CFAP57: variants seen among roughly 807,000 people sequenced by gnomAD.
CFAP57 encodes the protein cilia and flagella associated protein 57.
A neutral mutation model predicts 146.8 loss-of-function variants in CFAP57; 116 were observed. That is an observed-to-expected ratio of 0.79 (90% CI 0.68 to 0.92). CFAP57 has a LOEUF of 0.92. Ranked by LOEUF, CFAP57 falls within the 40% of genes least tolerant of loss-of-function variation. CFAP57 has a pLI of 0.00. For missense variants in CFAP57, 1,377 were observed against 1,527.2 expected, an observed-to-expected ratio of 0.90 and a Z score of 1.64; for synonymous variants, 518 against 552.8, an observed-to-expected ratio of 0.94 and a Z score of 0.88.
intron 9 of CFAP57, among the ~76,000 whole-genome samples, chr1:43,200,413 G>A (rs1374586292): frequency 6.6e-6 from 1 of 151,436 alleles, no homozygotes; most frequent in Non-Finnish European, 1.5e-5. Context: ...CTTGGGCCCA[G>A]GAGGTCAAGG....
intron 11 of CFAP57, chr1:43,210,370 A>G (rs539809892): frequency 7.7e-7 from 1 of 1,295,648 alleles, no homozygotes; most frequent in South Asian, 1.9e-5. Context: ...CCTTCCATTC[A>G]CCCTTCTCAT....
intron 12 of CFAP57, among the ~76,000 whole-genome samples, chr1:43,218,534 G>A (rs1294271075): frequency 6.6e-6 from 1 of 152,076 alleles, no homozygotes; most frequent in African/African-American, 2.4e-5. Flanking sequence ...CTTGAGCCCA[G>A]GAGGTCAAGG....
chr1:43,183,989 A>G, intron 4 of CFAP57, 112 bp downstream of exon 4: 4 of 1,344,138 alleles, frequency 3.0e-6, no homozygotes, highest in Non-Finnish European at 4.2e-6. Flanking sequence ...AAAGTCAACT[A>G]TGCCCATTTT....
At chr1:43,194,120 C>T (rs1184771881) in intron 6 of CFAP57, among the ~76,000 whole-genome samples, 1 of 152,002 alleles carries the variant, frequency 6.6e-6, no homozygotes, top group Non-Finnish European at 1.5e-5. Context: ...TAAAGGATTT[C>T]CTTTAGTATT....
At position 43,179,062 on chromosome 1, in the gene CFAP57, A is replaced by G. The variant is rs1275722644; in HGVS notation, c.158-2472A>G. ...AAAAAACCAAACACCGCATGTTCTC[A>G]CTCATAGGTGAGAATTGAACAATGA... On this transcript the variant is annotated intron_variant, in intron 2 of 22. Transcript: ENST00000372492. 2.0e-5 allele frequency among the ~76,000 whole-genome samples: 3 copies of G among 151,992 alleles called. No homozygotes were observed. In the East Asian group the frequency reaches 5.8e-4, roughly 29 times the overall value.
At chr1:43,225,090 T>TGTTTGTTTG (rs932100688) in intron 17 of CFAP57, among the ~76,000 whole-genome samples, 1 of 142,660 alleles carries the variant, frequency 7.0e-6, no homozygotes, top group Non-Finnish European at 1.5e-5. Flanking sequence ...TTTGTTTGTT[T>TGTTTGTTTG]TTAGGGAAGA....
chr1:43,183,735 G>A lies in CFAP57; in HGVS notation c.619G>A (p.Ala207Thr). ...AAACTATCTAGCTCACACCTGGGTG[G>A]CTGATGACAAGATTGTCGTTGGCAC... is the stretch of plus-strand genomic sequence containing the variant. ...PQNYLAHTWVADDKIVVGTDT... is the reference protein window; with the variant it reads ...PQNYLAHTWVTDDKIVVGTDT... Residue 207 changes from alanine (A) to threonine (T), a missense_variant, in exon 4 of 23, where the codon GCT (alanine) becomes ACT (threonine). Physicochemically the swap from Ala to Thr is moderately conservative, Grantham distance 58. Coordinates refer to ENST00000372492, the MANE Select transcript of CFAP57 (RefSeq NM_001378189.1). 3 of 1,614,174 alleles carry A rather than the reference G, an allele frequency of 1.9e-6. No individual in the cohort carries two copies. The highest frequency in any genetic ancestry group is 2.5e-6 in the Non-Finnish European group (3 of 1,180,040).
At chr1:43,231,891 A>G (rs1645486369) in intron 18 of CFAP57, among the ~76,000 whole-genome samples, 1 of 152,156 alleles carries the variant, frequency 6.6e-6, no homozygotes. Flanking sequence ...GTATTTCAGA[A>G]GCTCACTGGT....
intron 9 of CFAP57, among the ~76,000 whole-genome samples, chr1:43,203,080 G>A (rs1212154702): frequency 6.6e-6 from 1 of 151,940 alleles, no homozygotes; most frequent in Non-Finnish European, 1.5e-5. Flanking sequence ...GGCTGAGGCA[G>A]GAGAATGGCA....
chr1:43,243,849 A>G (rs1049847036), intron 22 of CFAP57, among the ~76,000 whole-genome samples: 1 of 152,234 alleles, frequency 6.6e-6, no homozygotes, highest in Non-Finnish European at 1.5e-5. Context: ...TTAAAGGAAG[A>G]GGGGAAATAA....
chr1:43,234,107 T>C (rs536269098), intron 19 of CFAP57, among the ~76,000 whole-genome samples, 172 bp from the exon 20 acceptor site: 24 of 152,250 alleles, frequency 1.6e-4, no homozygotes, highest in African/African-American at 5.8e-4. Context: ...CCTCCACCTG[T>C]TGGCTGTGTG....
chr1:43,228,236 G>A (rs1255609593), intron 18 of CFAP57, among the ~76,000 whole-genome samples: 1 of 152,216 alleles, frequency 6.6e-6, no homozygotes, highest in Non-Finnish European at 1.5e-5. Flanking sequence ...CTGACTTTCT[G>A]ACAGTTCCTG....
Position 43,201,486 on chromosome 1 carries a change from GC to G in CFAP57, c.1542+1984del, listed in dbSNP as rs1333538251. 1.4e-4 allele frequency among the ~76,000 whole-genome samples: 21 copies of G among 152,316 alleles called. No homozygotes were observed. Among genetic ancestry groups the G allele is most frequent in the Non-Finnish European group, 2.6e-4 (18 of 68,010 alleles). ...AAGTGAAAGTGCTATGTAAACACAA[GC>G]ATTTTTGTTTGTTTTTGAGACGGAG... On this transcript the variant is annotated intron_variant, in intron 9 of 22. Coordinates refer to ENST00000372492, the MANE Select transcript of CFAP57 (RefSeq NM_001378189.1). This position sits in a 1 kb window ranked among gnomAD's most constrained non-coding sequence, Gnocchi z 4.4.
At chr1:43,209,571 G>T (rs1279979059) in intron 10 of CFAP57, among the ~76,000 whole-genome samples, 172 bp from the exon 11 acceptor site, 2 of 152,160 alleles carry the variant, frequency 1.3e-5, no homozygotes, top group African/African-American at 4.8e-5. Flanking sequence ...TATCTAGTTT[G>T]CGCCTTTTTT....
rs1644995631 is a variant in CFAP57 at position 43,172,365 on chromosome 1, G to C, written c.-108G>C. 6.4e-7 allele frequency: 1 copy of C among 1,551,504 alleles called. No individual in the cohort carries two copies. The highest frequency in any genetic ancestry group is 1.4e-5 in the African/African-American group (1 of 72,990). ...TGTCGTTGCTATAGGAACCGCTACG[G>C]CGTTTGAAAGTGTCCGGGTTGCTTA... is the stretch of plus-strand genomic sequence containing the variant. On this transcript the variant is annotated 5_prime_UTR_variant, in exon 1 of 23. Coordinates refer to ENST00000372492, the MANE Select transcript of CFAP57 (RefSeq NM_001378189.1).
At chr1:43,190,566 G>A (rs774708483) in intron 6 of CFAP57, among the ~76,000 whole-genome samples, 75 of 152,102 alleles carry the variant, frequency 4.9e-4, no homozygotes, top group Non-Finnish European at 9.0e-4. Flanking sequence ...CACCGTGCCC[G>A]GCTGCATCCA....
rs529817583 is a variant in CFAP57 at position 43,201,829 on chromosome 1, G to A, written c.1542+2326G>A. 6.6e-5 allele frequency among the ~76,000 whole-genome samples: 10 copies of A among 152,296 alleles called. 1 individual carries two copies. The South Asian group carries it at 1.0e-3, about 16-fold the overall frequency. Reference sequence around the variant, plus strand: ...GGGGTTTCTCCATGTTGGTCAGGCTGGTCTTGAACTACTGACCTCAGGTGA... The same window carrying A: ...GGGGTTTCTCCATGTTGGTCAGGCTAGTCTTGAACTACTGACCTCAGGTGA... On this transcript the variant is annotated intron_variant, in intron 9 of 22. Transcript: ENST00000372492. This position sits in a 1 kb window ranked among gnomAD's most constrained non-coding sequence, Gnocchi z 4.4.
chr1:43,232,417 G>T, intron 18 of CFAP57, 91 bp from the exon 19 acceptor site: 2 of 1,026,870 alleles, frequency 1.9e-6, no homozygotes, highest in Non-Finnish European at 2.9e-6. Flanking sequence ...GGTGTCAGGG[G>T]TGGCATCCCC....
chr1:43,184,929 C>T (rs1569872016), intron 4 of CFAP57: 2 of 544,038 alleles, frequency 3.7e-6, no homozygotes, highest in South Asian at 3.9e-5. Flanking sequence ...ACTCTCGCCT[C>T]TGTCTACTCC....
Sources: allele counts gnomAD v4.1 joint callset (sites outside exome capture counted in the v4.1 genomes callset), GRCh38; gene constraint gnomAD v4.1.1; non-coding constraint Gnocchi (gnomAD v3.1); transcripts MANE v1.5; gene names NCBI Gene and HGNC (gene_info 2026-07-23, HGNC 2026-07-21).